Variants in GALNT10 observed in about 807,000 individuals in gnomAD.
GALNT10 encodes the protein polypeptide N-acetylgalactosaminyltransferase 10.
A neutral mutation model predicts 75.0 loss-of-function variants in GALNT10; 41 were observed. The observed-to-expected ratio is 0.55, with a 90% CI of 0.43 to 0.71. GALNT10 has a LOEUF of 0.71. GALNT10 is among the 30% of genes least tolerant of loss of function. The pLI is 0.00. For synonymous variants in GALNT10, 302 were observed against 313.0 expected (o/e 0.96, Z 0.37); for missense variants, 727 against 818.5 (o/e 0.89, Z 1.36).
At chr5:154,394,863 A>G (rs1755983435) in intron 7 of GALNT10, among the ~76,000 whole-genome samples, 1 of 152,228 alleles carries the variant, frequency 6.6e-6, no homozygotes, top group Non-Finnish European at 1.5e-5. Flanking sequence ...TTATCCAAGG[A>G]TGATGGAAAT....
intron 1 of GALNT10, among the ~76,000 whole-genome samples, chr5:154,284,864 A>G (rs1331356099): frequency 6.6e-6 from 1 of 152,222 alleles, no homozygotes; most frequent in Non-Finnish European, 1.5e-5. Context: ...ACGCTTTCAT[A>G]TCGATTTTCT....
chr5:154,328,250 G>A (rs1364075253), intron 3 of GALNT10, among the ~76,000 whole-genome samples: 1 of 152,148 alleles, frequency 6.6e-6, no homozygotes, highest in African/African-American at 2.4e-5. Flanking sequence ...ATGATATTAA[G>A]GAACAATGTT....
intron 1 of GALNT10, among the ~76,000 whole-genome samples, chr5:154,279,757 T>A (rs931133596): frequency 6.6e-6 from 1 of 152,126 alleles, no homozygotes; most frequent in Non-Finnish European, 1.5e-5. Flanking sequence ...ATTTTTTTTT[T>A]ATTTTGTTTT....
chr5:154,401,997 C>T (rs2113209069), intron 7 of GALNT10, among the ~76,000 whole-genome samples: 1 of 152,246 alleles, frequency 6.6e-6, no homozygotes, highest in Non-Finnish European at 1.5e-5. Flanking sequence ...GCCTCAGCAC[C>T]CCTCACCCAG....
intron 1 of GALNT10, among the ~76,000 whole-genome samples, chr5:154,215,221 G>A (rs1348839382): frequency 1.3e-5 from 2 of 151,984 alleles, no homozygotes; most frequent in African/African-American, 4.8e-5. Flanking sequence ...AGTGGCTCAC[G>A]CCTGTAATCC....
At chr5:154,386,612 TGTGGGA>T in intron 7 of GALNT10, 182 bp downstream of exon 7, 3 of 297,492 alleles carry the variant, frequency 1.0e-5, no homozygotes, top group Non-Finnish European at 1.3e-5. Context: ...GGTGGGGGGG[TGTGGGA>T]GGGAAGGGGA....
chr5:154,415,293 G>T (rs12654212), intron 10 of GALNT10, among the ~76,000 whole-genome samples: 30,265 of 152,072 alleles, frequency 0.2, 3,171 homozygotes, highest in East Asian at 0.42. Context: ...TGAGGGTAAG[G>T]ATAGGGGTGG....
chr5:154,231,031 T>C (rs1753143488), intron 1 of GALNT10, among the ~76,000 whole-genome samples: 1 of 152,250 alleles, frequency 6.6e-6, no homozygotes, highest in Admixed American at 6.5e-5. Flanking sequence ...ACCAGCTTTG[T>C]GAACGTTGGC....
At position 154,352,826 on chromosome 5, in the gene GALNT10, C is replaced by T. The variant is rs912617067; in HGVS notation, c.568+23088C>T. ...GGTTTAAGAAACCTTGACCACCCCG[C>T]GGTCTTGCATCGGGACATGGCTATG... On this transcript the variant is annotated intron_variant, in intron 4 of 11. Transcript: ENST00000297107. The surrounding 1 kb of genome is among the most constrained non-coding windows in gnomAD (Gnocchi z 4.4). Among the ~76,000 whole-genome samples, 5 of 152,192 alleles carry T rather than the reference C, an allele frequency of 3.3e-5. No homozygotes were observed. Among genetic ancestry groups the T allele is most frequent in the African/African-American group, 9.7e-5 (4 of 41,446 alleles).
chr5:154,192,147 G>A (rs1385313042), intron 1 of GALNT10, among the ~76,000 whole-genome samples: 1 of 152,228 alleles, frequency 6.6e-6, no homozygotes, highest in African/African-American at 2.4e-5. Context: ...GAAAGAGGCT[G>A]GCTTTTCTGA....
At chr5:154,212,996 C>T (rs1216899420) in intron 1 of GALNT10, among the ~76,000 whole-genome samples, 1 of 151,794 alleles carries the variant, frequency 6.6e-6, no homozygotes, top group East Asian at 1.9e-4. Flanking sequence ...TCACAGGCTC[C>T]AGAGTCAGAC....
In GALNT10 at chr5:154,275,096, C is replaced by T. The variant is rs149419680; in HGVS notation, c.160-19720C>T. 1.9e-3 allele frequency among the ~76,000 whole-genome samples: 295 copies of T among 152,314 alleles called. 1 individual carries two copies. Among genetic ancestry groups the T allele is most frequent in the African/African-American group, 6.6e-3 (274 of 41,562 alleles). ...TCACCTCTCTGGACTACCACATCACCGTCTATAAAACGAATGAGTTGAGCT... is the reference window on the plus strand; with the variant it reads ...TCACCTCTCTGGACTACCACATCACTGTCTATAAAACGAATGAGTTGAGCT... On this transcript the variant is annotated intron_variant, in intron 1 of 11. Coordinates refer to ENST00000297107, the MANE Select transcript of GALNT10 (RefSeq NM_198321.4).
At chr5:154,283,162 G>A (rs1490993921) in intron 1 of GALNT10, among the ~76,000 whole-genome samples, 2 of 152,030 alleles carry the variant, frequency 1.3e-5, no homozygotes, top group African/African-American at 4.8e-5. Flanking sequence ...GAACAAGAGA[G>A]GCTGGGCATG....
intron 8 of GALNT10, among the ~76,000 whole-genome samples, chr5:154,405,222 T>C (rs1387034352): frequency 2.6e-5 from 4 of 152,132 alleles, no homozygotes; most frequent in Non-Finnish European, 5.9e-5. Context: ...ACGTGTAGAA[T>C]TGCAGCCCCC....
rs153412 is a variant in GALNT10, at chr5:154,353,298, G to A, written c.569-22979G>A. On this transcript the variant is annotated intron_variant, in intron 4 of 11. Transcript: ENST00000297107. ...ACAGATTGCAATGACACCACCCCCC[G>A]CAAAACGACCTTCTAAATATCATCC... Among the ~76,000 whole-genome samples the A allele has an allele frequency of 3.3e-5, 5 of 151,984 alleles. No homozygotes were observed. The East Asian group carries it at 5.8e-4, about 18-fold the overall frequency.
At chr5:154,201,609 CA>C (rs1379079757) in intron 1 of GALNT10, among the ~76,000 whole-genome samples, 2 of 151,980 alleles carry the variant, frequency 1.3e-5, no homozygotes, top group Admixed American at 1.3e-4. Context: ...TTAGCCATGT[CA>C]GGGGCTGCTC....
At chr5:154,373,609 G>T (rs187757252) in intron 4 of GALNT10, among the ~76,000 whole-genome samples, 1 of 152,136 alleles carries the variant, frequency 6.6e-6, no homozygotes, top group East Asian at 1.9e-4. Flanking sequence ...CTCTATAATT[G>T]TTCCCTATAA....
Position 154,376,762 on chromosome 5 carries a change from T to G in GALNT10, c.754+300T>G, listed in dbSNP as rs2113173583. Among the ~76,000 whole-genome samples the G allele has an allele frequency of 6.6e-6, 1 of 152,304 alleles. No individual in the cohort carries two copies. The highest frequency in any genetic ancestry group is 2.4e-5 in the African/African-American group (1 of 41,572). ...CGGCTTTCCTCAGATGACTTCATTT[T>G]ATTGCAAAGCAAGCCCGTGCTGTTT... is the stretch of plus-strand genomic sequence containing the variant. On this transcript the variant is annotated intron_variant, in intron 5 of 11. Coordinates refer to ENST00000297107, the MANE Select transcript of GALNT10 (RefSeq NM_198321.4). The surrounding 1 kb of genome is among the most constrained non-coding windows in gnomAD (Gnocchi z 4.1).
chr5:154,390,915 G>C (rs796942685), intron 7 of GALNT10, among the ~76,000 whole-genome samples: 10 of 152,348 alleles, frequency 6.6e-5, no homozygotes, highest in African/African-American at 1.9e-4. Flanking sequence ...CATCCGGGAG[G>C]GGGAAGGAGG....
Sources: gnomAD v4.1 joint callset for allele counts (sites outside exome capture counted in the v4.1 genomes callset) on GRCh38, gnomAD v4.1.1 for gene constraint, Gnocchi (gnomAD v3.1) non-coding constraint, MANE v1.5 for transcripts, NCBI Gene and HGNC (gene_info 2026-07-23, HGNC 2026-07-21) for gene names.